The following GABRB2 variants were observed in gnomAD, a reference collection of about 807,000 sequenced individuals.
GABRB2 encodes the protein gamma-aminobutyric acid type A receptor subunit beta2.
Under a neutral mutation model 54.7 loss-of-function variants are expected in GABRB2, and 16 were observed. The observed-to-expected ratio is 0.29, with a 90% CI of 0.20 to 0.44. GABRB2 has a LOEUF of 0.44. Ranked by LOEUF, GABRB2 falls within the 20% of genes least tolerant of loss-of-function variation. The pLI, the probability that GABRB2 is intolerant of heterozygous loss-of-function variation, is 1.00. For missense variants in GABRB2, 355 were observed against 644.0 expected, an observed-to-expected ratio of 0.55 and a Z score of 4.86; for synonymous variants, 244 against 233.8, an observed-to-expected ratio of 1.04 and a Z score of -0.40.
chr5:161,327,538 G>A (rs1758405916), intron 8 of GABRB2, among the ~76,000 whole-genome samples: 1 of 152,106 alleles, frequency 6.6e-6, no homozygotes, highest in Non-Finnish European at 1.5e-5. Flanking sequence ...TGAAATGACA[G>A]GACAGGAATT....
intron 5 of GABRB2, among the ~76,000 whole-genome samples, chr5:161,388,738 A>T (rs1755724100): frequency 6.6e-6 from 1 of 151,944 alleles, no homozygotes; most frequent in Non-Finnish European, 1.5e-5. Flanking sequence ...ACTACCAATA[A>T]GTAGTATAAT....
intron 1 of GABRB2, 59 bp downstream of exon 1, chr5:161,546,508 G>T: frequency 1.3e-6 from 2 of 1,566,202 alleles, no homozygotes; most frequent in Non-Finnish European, 1.8e-6. Flanking sequence ...GCTCACAGAG[G>T]TATGCAGACA....
At chr5:161,359,126 G>T (rs1468733851) in intron 5 of GABRB2, among the ~76,000 whole-genome samples, 1 of 151,936 alleles carries the variant, frequency 6.6e-6, no homozygotes, top group African/African-American at 2.4e-5. Flanking sequence ...TTGGCAGAGA[G>T]GGGGAAAAAA....
chr5:161,422,773 A>T (rs1453208089), intron 4 of GABRB2, among the ~76,000 whole-genome samples: 1 of 152,166 alleles, frequency 6.6e-6, no homozygotes, highest in Non-Finnish European at 1.5e-5. Context: ...TATGCATGGG[A>T]TACTAACATT....
chr5:161,409,853 TTAAC>T (rs201060448), intron 5 of GABRB2, among the ~76,000 whole-genome samples: 1,813 of 152,268 alleles, frequency 0.012, 32 homozygotes, highest in African/African-American at 0.04. Flanking sequence ...ACTAATTTCA[TTAAC>T]TAGTTCTATA....
intron 9 of GABRB2, among the ~76,000 whole-genome samples, chr5:161,296,643 C>A (rs1023838037): frequency 9.3e-5 from 14 of 150,618 alleles, no homozygotes; most frequent in African/African-American, 3.5e-4. Context: ...CTATTAGTTA[C>A]ATAATTTTTT....
rs750096691 is a variant in GABRB2 at position 161,336,729 on chromosome 5, G to A, written c.582C>T (p.Gly194=). Residue 194 remains glycine (G), a synonymous_variant, in exon 6 of 10, where the codon GGC becomes GGT. Transcript: ENST00000393959. ...TTDDIEFYWR[G]DDNAVTGVTK... Reference sequence around the variant, plus strand: ...TTACTCCTGTTACTGCATTATCATCGCCACGCCAGTAAAACTCAATGTCAT... The same window carrying A: ...TTACTCCTGTTACTGCATTATCATCACCACGCCAGTAAAACTCAATGTCAT... 22 of 1,610,780 alleles carry A rather than the reference G, an allele frequency of 1.4e-5. No homozygotes were observed. Among genetic ancestry groups the A allele is most frequent in the Admixed American group, 3.4e-5 (2 of 59,688 alleles).
chr5:161,340,415 G>T (rs1227148016), intron 5 of GABRB2, among the ~76,000 whole-genome samples: 1 of 152,016 alleles, frequency 6.6e-6, no homozygotes, highest in Non-Finnish European at 1.5e-5. Context: ...AAATGATCAT[G>T]CACTGCATTT....
In GABRB2 at chr5:161,530,666, C is replaced by A. The variant is rs112283566; in HGVS notation, c.237+14561G>T. On this transcript the variant is annotated intron_variant, in intron 3 of 9. Transcript: ENST00000393959. ...AATCTGAAGGAAATGTAAAGAAATT[C>A]TTTGCTTTTTCTTGTGGTCTATAAT... Among the ~76,000 whole-genome samples the A allele has an allele frequency of 5.8e-3, 875 of 152,158 alleles. 8 individuals are homozygous for A. Among genetic ancestry groups the A allele is most frequent in the African/African-American group, 0.02 (815 of 41,534 alleles).
rs150769823 is a variant in GABRB2 at position 161,453,873 on chromosome 5, C to T, written c.458+5751G>A. ...CCAACATGTTGAAACCCTGTCTCTA[C>T]TAAAAATACAAATAATTAGCCAGGT... On this transcript the variant is annotated intron_variant, in intron 4 of 9. Coordinates refer to ENST00000393959, the MANE Select transcript of GABRB2 (RefSeq NM_001371727.1). Among the ~76,000 whole-genome samples the T allele has an allele frequency of 8.7e-3, 1,318 of 151,988 alleles. 10 individuals are homozygous for T. Among genetic ancestry groups the T allele is most frequent in the Middle Eastern group, 0.017 (5 of 294 alleles).
At chr5:161,429,824 AT>A (rs1757124246) in intron 4 of GABRB2, among the ~76,000 whole-genome samples, 1 of 152,158 alleles carries the variant, frequency 6.6e-6, no homozygotes, top group African/African-American at 2.4e-5. Flanking sequence ...TAGGTTCAAC[AT>A]AAGACAAAAG....
intron 3 of GABRB2, among the ~76,000 whole-genome samples, chr5:161,510,171 A>T (rs1479907653): frequency 2.0e-5 from 3 of 151,862 alleles, no homozygotes; most frequent in Admixed American, 2.0e-4. Context: ...TGTACAATTT[A>T]TTATGACTAT....
At chr5:161,478,669 A>C (rs144990089) in intron 3 of GABRB2, among the ~76,000 whole-genome samples, 1 of 152,138 alleles carries the variant, frequency 6.6e-6, no homozygotes, top group African/African-American at 2.4e-5. Flanking sequence ...GATTTCCATG[A>C]ATATCTTTCA....
At chr5:161,340,593 A>G (rs1754128226) in intron 5 of GABRB2, among the ~76,000 whole-genome samples, 1 of 151,946 alleles carries the variant, frequency 6.6e-6, no homozygotes, top group Non-Finnish European at 1.5e-5. Flanking sequence ...GTTACTGCAC[A>G]TCTCTTTGTC....
At chr5:161,340,286 C>T (rs539316141) in intron 5 of GABRB2, among the ~76,000 whole-genome samples, 2 of 152,086 alleles carry the variant, frequency 1.3e-5, no homozygotes, top group South Asian at 2.1e-4. Context: ...GGCAATACCT[C>T]GTGTGAAGTA....
At chr5:161,296,377 T>G (rs1757380689) in intron 9 of GABRB2, among the ~76,000 whole-genome samples, 1 of 152,170 alleles carries the variant, frequency 6.6e-6, no homozygotes, top group Non-Finnish European at 1.5e-5. Context: ...TTTCCCTTCT[T>G]TAACCACCAG....
intron 3 of GABRB2, among the ~76,000 whole-genome samples, chr5:161,482,521 T>G (rs1485629046): frequency 6.6e-6 from 1 of 152,120 alleles, no homozygotes; most frequent in Non-Finnish European, 1.5e-5. Flanking sequence ...CCTTCTTTAT[T>G]GTGGCCACTC....
chr5:161,315,896 C>T (rs897566488), intron 9 of GABRB2, among the ~76,000 whole-genome samples: 5 of 152,048 alleles, frequency 3.3e-5, no homozygotes, highest in Admixed American at 6.6e-5. Flanking sequence ...GTTGCTAACA[C>T]GAGGAATTAT....
intron 5 of GABRB2, among the ~76,000 whole-genome samples, chr5:161,409,404 A>G (rs543075272): frequency 1.3e-5 from 2 of 152,292 alleles, no homozygotes; most frequent in East Asian, 1.9e-4. Flanking sequence ...TTATAATTTA[A>G]TAACAGAAAA....
Sources: allele counts gnomAD v4.1 joint callset (sites outside exome capture counted in the v4.1 genomes callset), GRCh38; gene constraint gnomAD v4.1.1; transcripts MANE v1.5; gene names NCBI Gene and HGNC (gene_info 2026-07-23, HGNC 2026-07-21).